Variants in CDC42BPA observed in about 807,000 individuals in gnomAD.
The protein encoded by CDC42BPA is serine/threonine-protein kinase MRCK alpha.
In CDC42BPA, 80 loss-of-function variants were observed where a neutral mutation model predicts 223.5. That is an observed-to-expected ratio of 0.36 (90% CI 0.30 to 0.43). The LOEUF (loss-of-function observed/expected upper bound fraction) is 0.43. Ranked by LOEUF, CDC42BPA falls within the 20% of genes least tolerant of loss-of-function variation. The pLI is 1.00. For missense variants in CDC42BPA, 1,743 were observed against 2,099.9 expected (o/e 0.83, Z 3.32); for synonymous variants, 694 against 718.6 (o/e 0.97, Z 0.55).
intron 1 of CDC42BPA, among the ~76,000 whole-genome samples, chr1:227,268,631 G>GTATA (rs1160287813): frequency 1.9e-4 from 24 of 125,204 alleles, no homozygotes; most frequent in South Asian, 1.0e-3. Context: ...TATATAGTAT[G>GTATA]TGTATATATA....
At chr1:227,163,071 T>C (rs1315398866) in intron 5 of CDC42BPA, among the ~76,000 whole-genome samples, 2 of 120,992 alleles carry the variant, frequency 1.7e-5, no homozygotes, top group African/African-American at 6.4e-5. Flanking sequence ...CAAACATAAA[T>C]GTGTGTATGT....
intron 34 of CDC42BPA, among the ~76,000 whole-genome samples, chr1:227,008,249 T>A (rs1432687510): frequency 6.6e-6 from 1 of 152,202 alleles, no homozygotes; most frequent in Non-Finnish European, 1.5e-5. Flanking sequence ...CAAAATATGA[T>A]CCTTTCTGTA....
At chr1:227,015,096 C>T (rs1665943929) in intron 34 of CDC42BPA, among the ~76,000 whole-genome samples, 2 of 152,050 alleles carry the variant, frequency 1.3e-5, no homozygotes, top group East Asian at 1.9e-4. Flanking sequence ...ACCAGGACTA[C>T]AGGCACACAT....
At chr1:227,211,606 T>C (rs1673913668) in intron 3 of CDC42BPA, among the ~76,000 whole-genome samples, 1 of 152,048 alleles carries the variant, frequency 6.6e-6, no homozygotes, top group Non-Finnish European at 1.5e-5. Flanking sequence ...ATATATGAAA[T>C]CTTATCTTCT....
chr1:227,064,640 A>C (rs1431058561), intron 21 of CDC42BPA, among the ~76,000 whole-genome samples: 2 of 152,172 alleles, frequency 1.3e-5, no homozygotes, highest in Admixed American at 1.3e-4. Flanking sequence ...ACAGTCCAAG[A>C]CTGGGCATGC....
chr1:227,065,766 C>T (rs1323379334), intron 21 of CDC42BPA, among the ~76,000 whole-genome samples: 2 of 152,036 alleles, frequency 1.3e-5, no homozygotes, highest in South Asian at 2.1e-4. Context: ...TGGTAAAGCT[C>T]CAACAAATCA....
chr1:227,237,579 TTTATTCA>T (rs780832132), intron 2 of CDC42BPA, among the ~76,000 whole-genome samples: 1 of 152,228 alleles, frequency 6.6e-6, no homozygotes, highest in Non-Finnish European at 1.5e-5. Context: ...ATACCAATAG[TTTATTCA>T]ACCGGTTGCC....
chr1:227,264,792 C>T, intron 1 of CDC42BPA: 1 of 1,133,912 alleles, frequency 8.8e-7, no homozygotes, highest in Non-Finnish European at 1.3e-6. Flanking sequence ...TCCACTGTTA[C>T]CTCAGTGACA....
intron 35 of CDC42BPA, among the ~76,000 whole-genome samples, chr1:226,999,619 A>C (rs1172654097): frequency 6.6e-6 from 1 of 152,180 alleles, no homozygotes; most frequent in Non-Finnish European, 1.5e-5. Context: ...AAAGGATTAT[A>C]AATCATTCTA....
At chr1:227,262,201 G>C (rs2148375048) in intron 1 of CDC42BPA, among the ~76,000 whole-genome samples, 1 of 137,438 alleles carries the variant, frequency 7.3e-6, no homozygotes, top group African/African-American at 2.7e-5. Flanking sequence ...AGAGATAGAA[G>C]AAATACAAAT....
At chr1:227,126,483 GGA>G (rs1689633123) in intron 11 of CDC42BPA, among the ~76,000 whole-genome samples, 1 of 90,988 alleles carries the variant, frequency 1.1e-5, no homozygotes, top group African/African-American at 4.3e-5. Flanking sequence ...AAGGAAGGAA[GGA>G]AGGAAGGAAG....
At chr1:227,275,484 C>G (rs956031291) in intron 1 of CDC42BPA, among the ~76,000 whole-genome samples, 7 of 151,846 alleles carry the variant, frequency 4.6e-5, no homozygotes, top group Admixed American at 2.0e-4. Context: ...TAGAGAAAAT[C>G]AACATTACCA....
At chr1:227,027,932 C>G (rs1258623087) in intron 30 of CDC42BPA, among the ~76,000 whole-genome samples, 1 of 151,972 alleles carries the variant, frequency 6.6e-6, no homozygotes, top group Non-Finnish European at 1.5e-5. Context: ...GCCTGAACAA[C>G]TAATGAGACC....
At chr1:227,048,096 A>C in intron 22 of CDC42BPA, 86 bp from the exon 23 acceptor site, 1 of 779,224 alleles carries the variant, frequency 1.3e-6, no homozygotes. Context: ...AAAATAAATA[A>C]AACAAAACAT....
chr1:227,275,737 G>T (rs1052982451), intron 1 of CDC42BPA, among the ~76,000 whole-genome samples: 2 of 151,990 alleles, frequency 1.3e-5, no homozygotes, highest in African/African-American at 4.8e-5. Flanking sequence ...CGAGTGCCTG[G>T]GATTGCAGGC....
Position 227,215,349 on chromosome 1 carries a change from A to G in CDC42BPA, c.271-2130T>C, listed in dbSNP as rs1460512025. On this transcript the variant is annotated intron_variant, in intron 2 of 36. Coordinates refer to ENST00000366766, the MANE Select transcript of CDC42BPA (RefSeq NM_001394014.1). Reference sequence around the variant, plus strand: ...GAATCCTAGTTTTGTCCTTAGCTGTATAACTCTAGGCAAAAAACTTAACCT... The same window carrying G: ...GAATCCTAGTTTTGTCCTTAGCTGTGTAACTCTAGGCAAAAAACTTAACCT... Among the ~76,000 whole-genome samples the G allele has an allele frequency of 2.5e-4, 38 of 152,190 alleles. 1 individual carries two copies. The highest frequency in any genetic ancestry group is 2.1e-4 in the South Asian group (1 of 4,824).
intron 22 of CDC42BPA, among the ~76,000 whole-genome samples, chr1:227,051,604 A>T (rs1427803278): frequency 6.6e-6 from 1 of 152,180 alleles, no homozygotes; most frequent in Non-Finnish European, 1.5e-5. Flanking sequence ...ATAATTCAAA[A>T]ATTTACATAA....
chr1:227,155,451 G>C (rs1662570478), intron 6 of CDC42BPA, among the ~76,000 whole-genome samples: 1 of 152,136 alleles, frequency 6.6e-6, no homozygotes, highest in Admixed American at 6.6e-5. Context: ...ACAGGATCCA[G>C]GAAACAGAGT....
intron 1 of CDC42BPA, among the ~76,000 whole-genome samples, chr1:227,284,190 T>C (rs10495252): frequency 0.16 from 23,978 of 152,202 alleles, 2,186 homozygotes; most frequent in East Asian, 0.37. Context: ...TTGATGAGTA[T>C]TAAATAGGAT....
Sources: allele counts gnomAD v4.1 joint callset (sites outside exome capture counted in the v4.1 genomes callset), GRCh38; gene constraint gnomAD v4.1.1; transcripts MANE v1.5; gene names NCBI Gene and HGNC (gene_info 2026-07-23, HGNC 2026-07-21).